UGT3A1: variants seen among roughly 807,000 people sequenced by gnomAD.
UGT3A1 encodes UDP glycosyltransferase family 3 member A1.
In UGT3A1, 40 loss-of-function variants were observed where a neutral mutation model predicts 37.6. The observed-to-expected ratio is 1.06, with a 90% CI of 0.83 to 1.38. UGT3A1 has a LOEUF of 1.38. Among genes scored for constraint, UGT3A1 ranks in the 40% most tolerant of loss-of-function variants. The pLI is 0.00. For synonymous variants in UGT3A1, 256 were observed against 232.3 expected, an observed-to-expected ratio of 1.10 and a Z score of -0.93; for missense variants, 642 against 634.2, an observed-to-expected ratio of 1.01 and a Z score of -0.13.
intron 2 of UGT3A1, among the ~76,000 whole-genome samples, chr5:35,970,810 T>C (rs1740005705): frequency 6.6e-6 from 1 of 152,202 alleles, no homozygotes; most frequent in African/African-American, 2.4e-5. Flanking sequence ...ATTGTCTCCA[T>C]TCTTTCTCCC....
In UGT3A1 at chr5:35,955,764, T is replaced by A. The variant is rs757914558; in HGVS notation, c.1176A>T (p.Gly392=). The A allele has an allele frequency of 1.9e-6, 3 of 1,614,074 alleles. No homozygotes were observed. The highest frequency in any genetic ancestry group is 4.5e-5 in the East Asian group (2 of 44,890). Reference sequence around the variant, plus strand: ...CTCGGACCATGTTTCCATGCTGGTCTCCATTGACTGGTAATCCCACCATGG... The same window carrying A: ...CTCGGACCATGTTTCCATGCTGGTCACCATTGACTGGTAATCCCACCATGG... ...GVPMVGLPVN[G]DQHGNMVRVV... is the part of the protein sequence containing the mutation. The change falls in exon 6 of 7, where the codon GGA becomes GGT. Residue 392 remains glycine (G), a synonymous_variant. Transcript: ENST00000274278.
At position 35,991,324 on chromosome 5, in the gene UGT3A1, C is replaced by A. The variant is rs1326658031; in HGVS notation, c.-84G>T. The A allele has an allele frequency of 6.3e-7, 1 of 1,586,310 alleles. No homozygotes were observed. The highest frequency in any genetic ancestry group is 8.6e-7 in the Non-Finnish European group (1 of 1,166,218). The stretch of plus-strand genomic sequence containing the variant: ...AGGACTCTGTGCGCGCCTCAGTACT[C>A]CAAAGGCACTGGCTGTGGGCCTAGG... On this transcript the variant is annotated 5_prime_UTR_variant, in exon 1 of 7. Coordinates refer to ENST00000274278, the MANE Select transcript of UGT3A1 (RefSeq NM_152404.4).
At chr5:35,984,066 G>C (rs937026547) in intron 2 of UGT3A1, among the ~76,000 whole-genome samples, 2 of 152,220 alleles carry the variant, frequency 1.3e-5, no homozygotes, top group African/African-American at 4.8e-5. Context: ...AGTTAGGCAA[G>C]AGAAATAAAT....
Position 35,965,485 on chromosome 5 carries a change from A to G in UGT3A1, c.744T>C (p.Phe248=), listed in dbSNP as rs1739762378. 3 of 1,614,212 alleles carry G rather than the reference A, an allele frequency of 1.9e-6. No homozygotes were observed. The highest frequency in any genetic ancestry group is 2.5e-6 in the Non-Finnish European group (3 of 1,180,030). The change falls in exon 4 of 7, where the codon TTT becomes TTC. Residue 248 remains phenylalanine (F), a synonymous_variant. Transcript: ENST00000274278. The stretch of plus-strand genomic sequence containing the variant: ...AATCAAAGGCAAAATCAGAGTTAAC[A>G]AACCACAACTCTGCTTTCAGTAGAA... ...SHLLLKAELW[F]VNSDFAFDFA... is the part of the protein sequence containing the mutation.
At position 35,998,754 on chromosome 5, in the gene UGT3A1, G is replaced by A. The variant is rs570298993; in HGVS notation, c.-159-1425C>T. ...TTTCCTTATGGAGGTAATTGAAGCC[G>A]GTCCTCTTCCCTAAGCCAGATCAGC... On this transcript the variant is annotated intron_variant, in intron 1 of 5. Coordinates refer to the UGT3A1 transcript ENST00000625798. Among the ~76,000 whole-genome samples, 7 of 152,274 alleles carry A rather than the reference G, an allele frequency of 4.6e-5. 1 individual carries two copies. The South Asian group carries it at 1.4e-3, about 32-fold the overall frequency.
intron 2 of UGT3A1, among the ~76,000 whole-genome samples, chr5:35,983,867 A>T (rs1448271545): frequency 6.6e-6 from 1 of 152,210 alleles, no homozygotes; most frequent in East Asian, 1.9e-4. Flanking sequence ...ATTTAAAAAA[A>T]AACCCTCAAC....
At chr5:35,989,566 C>G (rs757826041) in intron 1 of UGT3A1, among the ~76,000 whole-genome samples, 4 of 152,160 alleles carry the variant, frequency 2.6e-5, no homozygotes, top group South Asian at 2.1e-4. Context: ...AAATCTGCAA[C>G]GGTCTTGCTC....
At chr5:35,990,945 T>G (rs1363053074) in intron 1 of UGT3A1, 1 of 1,453,808 alleles carries the variant, frequency 6.9e-7, no homozygotes, top group African/African-American at 1.4e-5. Flanking sequence ...GTGTCTTTTC[T>G]CAAAAACTGT....
intron 2 of UGT3A1, among the ~76,000 whole-genome samples, chr5:35,968,533 C>G (rs933816519): frequency 2.0e-5 from 3 of 152,128 alleles, no homozygotes; most frequent in African/African-American, 7.2e-5. Flanking sequence ...GCTCTTTTCT[C>G]TTTTAGAAAA....
Position 35,955,770 on chromosome 5 carries a change from G to C in UGT3A1, c.1170C>G (p.Val390=). The C allele has an allele frequency of 6.2e-7, 1 of 1,614,170 alleles. No homozygotes were observed. Among genetic ancestry groups the C allele is most frequent in the Non-Finnish European group, 8.5e-7 (1 of 1,180,036 alleles). The change falls in exon 6 of 7, where the codon GTC becomes GTG. Residue 390 remains valine, a synonymous_variant. Transcript: ENST00000274278. ...RHGVPMVGLP[V]NGDQHGNMVR... ...CCATGTTTCCATGCTGGTCTCCATT[G>C]ACTGGTAATCCCACCATGGGCACAC...
Position 35,957,358 on chromosome 5 carries a change from G to T in UGT3A1, c.905C>A (p.Ser302Tyr). The T allele has an allele frequency of 6.2e-7, 1 of 1,614,142 alleles. No individual in the cohort carries two copies. Among genetic ancestry groups the T allele is most frequent in the Non-Finnish European group, 8.5e-7 (1 of 1,180,034 alleles). ...CTGGGACTGATGGGTGTTCAACATGGAGCCAAAGGCCACAAGGACAAACCC... is the reference window on the plus strand; with the variant it reads ...CTGGGACTGATGGGTGTTCAACATGTAGCCAAAGGCCACAAGGACAAACCC... ...DAGFVLVAFG[S>Y]MLNTHQSQEV... The change falls in exon 5 of 7, where the codon TCC (serine) becomes TAC (tyrosine). Residue 302 changes from serine to tyrosine, a missense_variant. Ser to Tyr is a moderately radical substitution (Grantham distance 144). Transcript: ENST00000274278.
chr5:35,967,968 T>G (rs1267178950), intron 3 of UGT3A1, 51 bp downstream of exon 3: 1 of 1,385,938 alleles, frequency 7.2e-7, no homozygotes, highest in Non-Finnish European at 1.0e-6. Context: ...CTCTATTCAT[T>G]TGTATCACTA....
Position 35,951,811 on chromosome 5 carries a change from T to C in UGT3A1, c.*2391A>G, listed in dbSNP as rs548921856. 2.0e-5 allele frequency: 3 copies of C among 152,336 alleles called. No homozygotes were observed. The South Asian group carries it at 6.2e-4, about 32-fold the overall frequency. The allele number at this position is 152,336 out of a possible 1,614,324, so 9.4% of individuals were successfully genotyped here. A position where few individuals can be genotyped will look rare whatever the true frequency, so the allele number is the denominator to read the frequency against. ...TTCACTTTTTCTCTTAGACTCAGCA[T>C]GGTATCATTTTTTGTACCTAGATAT... On this transcript the variant is annotated 3_prime_UTR_variant, in exon 7 of 7. Transcript: ENST00000274278.
At chr5:35,962,738 C>G in intron 4 of UGT3A1, 1 of 605,996 alleles carries the variant, frequency 1.7e-6, no homozygotes, top group Non-Finnish European at 2.9e-6. Context: ...TGAGACCAAG[C>G]CAGTCCTTCA....
Position 35,951,444 on chromosome 5 carries a change from T to G in UGT3A1, c.*2758A>C, listed in dbSNP as rs532936642. On this transcript the variant is annotated 3_prime_UTR_variant, in exon 7 of 7. Coordinates refer to ENST00000274278, the MANE Select transcript of UGT3A1 (RefSeq NM_152404.4). ...ACATCCTATAGTTACTCTTACTCTT[T>G]GCTATTTTTTACTTAACCATATTGG... is the stretch of plus-strand genomic sequence containing the variant. The G allele has an allele frequency of 6.6e-6, 1 of 152,314 alleles. No individual in the cohort carries two copies. The highest frequency in any genetic ancestry group is 6.5e-5 in the Admixed American group (1 of 15,302). The allele number at this position is 152,314 out of a possible 1,614,324, so 9.4% of individuals were successfully genotyped here.
At chr5:35,957,679 A>G (rs1739412129) in intron 4 of UGT3A1, among the ~76,000 whole-genome samples, 1 of 152,144 alleles carries the variant, frequency 6.6e-6, no homozygotes, top group South Asian at 2.1e-4. Context: ...TGATTTTTTT[A>G]AGTTTTTGTT....
intron 2 of UGT3A1, among the ~76,000 whole-genome samples, chr5:35,981,630 G>C (rs1349015099): frequency 6.6e-6 from 1 of 152,202 alleles, no homozygotes; most frequent in Non-Finnish European, 1.5e-5. Flanking sequence ...ATTTGCATAA[G>C]AAAAGAGAAC....
At chr5:35,983,931 A>G (rs1161325919) in intron 2 of UGT3A1, among the ~76,000 whole-genome samples, 1 of 152,218 alleles carries the variant, frequency 6.6e-6, no homozygotes, top group Non-Finnish European at 1.5e-5. Flanking sequence ...TATATGACAC[A>G]CCACAACTAA....
At chr5:35,978,062 T>G (rs1477717971) in intron 2 of UGT3A1, among the ~76,000 whole-genome samples, 1 of 152,110 alleles carries the variant, frequency 6.6e-6, no homozygotes, top group Non-Finnish European at 1.5e-5. Flanking sequence ...TGAGACAGAG[T>G]CTCACTTTGT....
Sources: allele counts gnomAD v4.1 joint callset (sites outside exome capture counted in the v4.1 genomes callset), GRCh38; gene constraint gnomAD v4.1.1; transcripts MANE v1.5; gene names NCBI Gene and HGNC (gene_info 2026-07-23, HGNC 2026-07-21).